The following ZNF385D variants were observed in gnomAD, a reference collection of about 807,000 sequenced individuals.
ZNF385D encodes zinc finger protein 385D.
In ZNF385D, 15 loss-of-function variants were observed where a neutral mutation model predicts 35.8. That is an observed-to-expected ratio of 0.42 (90% CI 0.28 to 0.64). ZNF385D has a LOEUF of 0.64. Ranked by LOEUF, ZNF385D falls within the 30% of genes least tolerant of loss-of-function variation. The probability of loss-of-function intolerance (pLI) is 0.23; values close to 1 mark genes in which losing one functional copy is unlikely to be tolerated. For missense variants in ZNF385D, 474 were observed against 494.6 expected (o/e 0.96, Z 0.39); for synonymous variants, 212 against 186.8 (o/e 1.13, Z -1.10).
intron 1 of ZNF385D, among the ~76,000 whole-genome samples, chr3:21,704,288 C>T (rs1029901082): frequency 7.9e-5 from 12 of 152,092 alleles, no homozygotes; most frequent in Admixed American, 2.6e-4. Context: ...CAGGTCCTGC[C>T]AATAGCTATT....
intron 3 of ZNF385D, among the ~76,000 whole-genome samples, chr3:21,798,617 C>T (rs773063343): frequency 3.9e-5 from 6 of 152,046 alleles, no homozygotes; most frequent in Non-Finnish European, 7.4e-5. Flanking sequence ...AATTAGAAAC[C>T]TTATTTATAT....
intron 2 of ZNF385D, among the ~76,000 whole-genome samples, chr3:21,577,496 C>T (rs909424364): frequency 6.6e-6 from 1 of 152,180 alleles, no homozygotes; most frequent in Non-Finnish European, 1.5e-5. Flanking sequence ...TTTTGACATA[C>T]TGATTTCCTT....
intron 3 of ZNF385D, among the ~76,000 whole-genome samples, chr3:22,128,899 T>C (rs185348272): frequency 2.8e-4 from 42 of 152,346 alleles, no homozygotes; most frequent in Admixed American, 1.2e-3. Context: ...CTGTTGTCTC[T>C]TTTAGAAGAA....
At chr3:21,929,710 A>T (rs1189784516) in intron 3 of ZNF385D, among the ~76,000 whole-genome samples, 2 of 152,066 alleles carry the variant, frequency 1.3e-5, no homozygotes, top group Admixed American at 1.3e-4. Context: ...TCACAGCAGC[A>T]TCAAAGGAGT....
chr3:21,919,687 T>TTA (rs1700360301), intron 3 of ZNF385D, among the ~76,000 whole-genome samples: 1 of 152,178 alleles, frequency 6.6e-6, no homozygotes, highest in African/African-American at 2.4e-5. Flanking sequence ...ACCATATAAT[T>TTA]CCCCTTTGTC....
chr3:21,790,622 G>C (rs940005325), intron 3 of ZNF385D, among the ~76,000 whole-genome samples: 1 of 152,088 alleles, frequency 6.6e-6, no homozygotes, highest in Non-Finnish European at 1.5e-5. Context: ...GGGAGGGTGA[G>C]CATCTGGGTA....
At position 21,634,931 on chromosome 3, in the gene ZNF385D, T is replaced by C. The variant is rs1473425461; in HGVS notation, c.165+29955A>G. Among the ~76,000 whole-genome samples, 3 of 152,082 alleles carry C rather than the reference T, an allele frequency of 2.0e-5. No individual in the cohort carries two copies. The East Asian group carries it at 5.8e-4, about 29-fold the overall frequency. On this transcript the variant is annotated intron_variant, in intron 2 of 7. Coordinates refer to ENST00000281523, the MANE Select transcript of ZNF385D (RefSeq NM_024697.3). ...ATGTGAGTCAAGCAAATGAATTTATTCATACATATCAGGATAACTTGTGTC... is the reference window on the plus strand; with the variant it reads ...ATGTGAGTCAAGCAAATGAATTTATCCATACATATCAGGATAACTTGTGTC...
chr3:21,619,721 G>T (rs566214514), intron 2 of ZNF385D, among the ~76,000 whole-genome samples: 1 of 152,176 alleles, frequency 6.6e-6, no homozygotes, highest in African/African-American at 2.4e-5. Flanking sequence ...GCCTGCTGAG[G>T]GACTAATGGT....
intron 2 of ZNF385D, among the ~76,000 whole-genome samples, chr3:21,634,841 T>G (rs2065382545): frequency 6.6e-6 from 1 of 151,954 alleles, no homozygotes; most frequent in Admixed American, 6.6e-5. Context: ...GATGGCAATA[T>G]TTTTCTTTTA....
intron 3 of ZNF385D, among the ~76,000 whole-genome samples, chr3:21,930,570 C>T (rs751954293): frequency 1.3e-4 from 20 of 151,978 alleles, no homozygotes; most frequent in Non-Finnish European, 2.6e-4. Flanking sequence ...TTATATTTAT[C>T]AATTGTCAAA....
intron 3 of ZNF385D, among the ~76,000 whole-genome samples, chr3:21,519,396 A>G (rs1297757742): frequency 2.6e-5 from 4 of 152,210 alleles, no homozygotes; most frequent in Non-Finnish European, 5.9e-5. Flanking sequence ...AACATTAGGT[A>G]TTTAATGTTT....
intron 1 of ZNF385D, among the ~76,000 whole-genome samples, chr3:21,729,694 G>A (rs953584454): frequency 2.6e-5 from 4 of 152,264 alleles, no homozygotes; most frequent in Non-Finnish European, 5.9e-5. Context: ...TAGAAAGACA[G>A]CAAAAGCCCA....
chr3:22,120,002 T>G (rs531353462), intron 3 of ZNF385D, among the ~76,000 whole-genome samples: 1 of 150,884 alleles, frequency 6.6e-6, no homozygotes, highest in Non-Finnish European at 1.5e-5. Context: ...TTTCTTTTTT[T>G]TTTTTTTGGT....
At chr3:21,837,855 T>C (rs1695423709) in intron 3 of ZNF385D, among the ~76,000 whole-genome samples, 1 of 126,772 alleles carries the variant, frequency 7.9e-6, no homozygotes, top group African/African-American at 3.2e-5. Context: ...CTGGTAACAG[T>C]GTGAGACTCC....
chr3:22,152,566 T>C (rs1158475444), intron 3 of ZNF385D, among the ~76,000 whole-genome samples: 1 of 152,132 alleles, frequency 6.6e-6, no homozygotes, highest in Non-Finnish European at 1.5e-5. Flanking sequence ...CTGCATTCCT[T>C]GATCCCTTCC....
intron 2 of ZNF385D, among the ~76,000 whole-genome samples, chr3:22,175,894 G>A (rs891335884): frequency 6.8e-6 from 1 of 148,122 alleles, no homozygotes; most frequent in Non-Finnish European, 1.5e-5. Context: ...TTACTGTTAT[G>A]GTAAAACATT....
intron 2 of ZNF385D, among the ~76,000 whole-genome samples, chr3:22,173,195 C>A (rs1456315641): frequency 1.3e-5 from 2 of 152,170 alleles, no homozygotes; most frequent in African/African-American, 2.4e-5. Flanking sequence ...GAAATTGTTA[C>A]AGCCCAGTGG....
chr3:22,366,597 C>T (rs573024314), intron 2 of ZNF385D, among the ~76,000 whole-genome samples: 150 of 152,214 alleles, frequency 9.9e-4, no homozygotes, highest in South Asian at 3.7e-3. Flanking sequence ...ACACATCTTG[C>T]ATAATATTTT....
intron 3 of ZNF385D, among the ~76,000 whole-genome samples, chr3:21,890,952 A>G (rs1698826880): frequency 6.6e-6 from 1 of 152,118 alleles, no homozygotes; most frequent in African/African-American, 2.4e-5. Context: ...TCAAGGTGGG[A>G]GAAGAGAAAG....
Sources: allele counts gnomAD v4.1 joint callset (sites outside exome capture counted in the v4.1 genomes callset), GRCh38; gene constraint gnomAD v4.1.1; transcripts MANE v1.5; gene names NCBI Gene and HGNC (gene_info 2026-07-23, HGNC 2026-07-21).